Variants in LILRA2 observed in about 807,000 individuals in gnomAD.
LILRA2 encodes the protein leukocyte immunoglobulin like receptor A2.
In LILRA2, 45 loss-of-function variants were observed where a neutral mutation model predicts 47.9. The ratio of observed to expected loss-of-function variants is 0.94; its 90% CI spans 0.74 to 1.20. LILRA2 has a LOEUF of 1.20. Ranked by LOEUF, LILRA2 falls within the 50% of genes most tolerant of loss-of-function variation. LILRA2 has a pLI of 0.00. For missense variants in LILRA2, 651 were observed against 598.2 expected (o/e 1.09, Z -0.92); for synonymous variants, 279 against 249.2 (o/e 1.12, Z -1.13).
intron 6 of LILRA2, among the ~76,000 whole-genome samples, chr19:54,586,344 G>A (rs899365110): frequency 6.6e-6 from 1 of 152,140 alleles, no homozygotes; most frequent in Non-Finnish European, 1.5e-5. Flanking sequence ...ATGAACCTCG[G>A]ATAGCACCAG....
intron 6 of LILRA2, 86 bp from the exon 7 acceptor site, chr19:54,586,924 T>C: frequency 3.1e-6 from 3 of 973,464 alleles, no homozygotes; most frequent in Non-Finnish European, 4.6e-6. Flanking sequence ...ATAAAACTCA[T>C]GTCAAGAGAC....
intron 5 of LILRA2, 93 bp downstream of exon 5, chr19:54,575,645 G>T (rs1283847355): frequency 3.8e-6 from 6 of 1,575,570 alleles, no homozygotes. Flanking sequence ...GAGGGTTGGG[G>T]GTCCCAAGGG....
intron 5 of LILRA2, 47 bp from the exon 6 acceptor site, chr19:54,575,760 C>G: frequency 6.2e-7 from 1 of 1,609,188 alleles, no homozygotes. Flanking sequence ...GAGGTCTCAG[C>G]TCAGAACAAG....
At chr19:54,577,644 G>A (rs1316861688) in intron 6 of LILRA2, 3 of 1,289,654 alleles carry the variant, frequency 2.3e-6, no homozygotes, top group Non-Finnish European at 1.0e-6. Flanking sequence ...TGCCCCTCCT[G>A]TGCTCACCTG....
intron 2 of LILRA2, 46 bp from the exon 3 acceptor site, chr19:54,574,255 G>C: frequency 6.2e-7 from 1 of 1,613,818 alleles, no homozygotes; most frequent in Non-Finnish European, 8.5e-7. Flanking sequence ...GCTGAGATCT[G>C]TTGGGTGGGA....
At chr19:54,586,687 G>C (rs1373321049) in intron 6 of LILRA2, among the ~76,000 whole-genome samples, 2 of 152,188 alleles carry the variant, frequency 1.3e-5, no homozygotes, top group Non-Finnish European at 2.9e-5. Context: ...AGGACACAGA[G>C]AGCACACAAG....
intron 6 of LILRA2, among the ~76,000 whole-genome samples, chr19:54,579,458 A>G (rs1195822163): frequency 6.6e-6 from 1 of 151,996 alleles, no homozygotes; most frequent in Non-Finnish European, 1.5e-5. Context: ...GTTCTGTTCC[A>G]TTGGTCTATG....
chr19:54,580,306 G>A (rs1275951692), intron 6 of LILRA2, among the ~76,000 whole-genome samples: 1 of 107,890 alleles, frequency 9.3e-6, no homozygotes, highest in East Asian at 2.6e-4. Context: ...ACCCACTAAT[G>A]TGTCATCTAG....
In LILRA2 at chr19:54,587,207, T is replaced by G; in HGVS notation, c.1313T>G (p.Leu438Arg). The change falls in exon 8 of 8, where the codon CTA (leucine) becomes CGA (arginine). Residue 438 changes from leucine (L) to arginine (R), a missense_variant. Coordinates refer to ENST00000391738, the MANE Select transcript of LILRA2 (RefSeq NM_001130917.3). ...QNKTDSTTTS[L>R]GQHPQDYTVE... Reference sequence around the variant, plus strand: ...CTGTGACCTCTTTGTCCAGCATCCCTAGGCCAACACCCCCAGGATTACACA... The same window carrying G: ...CTGTGACCTCTTTGTCCAGCATCCCGAGGCCAACACCCCCAGGATTACACA... The G allele has an allele frequency of 6.2e-7, 1 of 1,614,066 alleles. No homozygotes were observed. Among genetic ancestry groups the G allele is most frequent in the Non-Finnish European group, 8.5e-7 (1 of 1,179,990 alleles).
intron 4 of LILRA2, 33 bp from the exon 5 acceptor site, chr19:54,575,223 C>T (rs373681746): frequency 1.2e-5 from 19 of 1,579,594 alleles, no homozygotes; most frequent in East Asian, 4.5e-5. Context: ...GCCTGAGGGT[C>T]GGCTCCTGGA....
Position 54,589,208 on chromosome 19 carries a change from T to C in LILRA2, c.*1862T>C, listed in dbSNP as rs1012917968. The C allele has an allele frequency of 2.3e-5, 3 of 131,550 alleles. No homozygotes were observed. The highest frequency in any genetic ancestry group is 1.5e-4 in the Admixed American group (2 of 13,442). The allele number at this position is 131,550 out of a possible 1,614,324, so 8.1% of individuals were successfully genotyped here. On this transcript the variant is annotated 3_prime_UTR_variant, in exon 8 of 8. Coordinates refer to ENST00000391738, the MANE Select transcript of LILRA2 (RefSeq NM_001130917.3). ...TCCCTTGATCATAACTTAAATGCAT[T>C]TGCAAAGACTCTATTTCCAACTATG...
rs750275726 is a variant in LILRA2, at chr19:54,587,570, C to T, written c.*224C>T. 4,928 of 772,440 alleles carry T rather than the reference C, an allele frequency of 6.4e-3. No individual in the cohort carries two copies. The South Asian group carries it at 0.069, about 11-fold the overall frequency. The allele number at this position is 772,440 out of a possible 1,614,324, so 47.8% of individuals were successfully genotyped here. A position where few individuals can be genotyped will look rare whatever the true frequency, so the allele number is the denominator to read the frequency against. On this transcript the variant is annotated 3_prime_UTR_variant, in exon 8 of 8. Coordinates refer to ENST00000391738, the MANE Select transcript of LILRA2 (RefSeq NM_001130917.3). ...TTTTTTTGTCTATGAATGTTGACTT[C>T]CCTTGACTGGATCCCCTTTTTTTCC...
rs1380222240 is a variant in LILRA2, at chr19:54,575,356, A to G, written c.756A>G (p.Arg252=). Residue 252 remains arginine, a synonymous_variant, in exon 5 of 8, where the codon AGA becomes AGG. Transcript: ENST00000391738. Reference sequence around the variant, plus strand: ...GTGTCTCTGATGTCGGCTACGACAGATTTGTTCTGTATAAGGAGGGAGAAC... The same window carrying G: ...GTGTCTCTGATGTCGGCTACGACAGGTTTGTTCTGTATAAGGAGGGAGAAC... ...LQCVSDVGYD[R]FVLYKEGERD... is the part of the protein sequence containing the mutation. 6.2e-7 allele frequency: 1 copy of G among 1,614,076 alleles called. No individual in the cohort carries two copies. Among genetic ancestry groups the G allele is most frequent in the South Asian group, 1.1e-5 (1 of 91,084 alleles).
chr19:54,587,510 G>C lies in LILRA2; in HGVS notation c.*164G>C, dbSNP rs2146032409. The C allele has an allele frequency of 8.6e-7, 1 of 1,166,848 alleles. No individual in the cohort carries two copies. The highest frequency in any genetic ancestry group is 1.2e-6 in the Non-Finnish European group (1 of 848,826). The allele number at this position is 1,166,848 out of a possible 1,614,324, so 72.3% of individuals were successfully genotyped here. On this transcript the variant is annotated 3_prime_UTR_variant, in exon 8 of 8. Transcript: ENST00000391738. ...TATTTGAGTGTAAGGAAACTGTCTG[G>C]GGTGATTCCTAGAAGATCATTAAAC...
At chr19:54,575,639 G>T in intron 5 of LILRA2, 87 bp downstream of exon 5, 1 of 1,573,872 alleles carries the variant, frequency 6.4e-7, no homozygotes, top group Non-Finnish European at 8.6e-7. Context: ...CGGAATGAGG[G>T]TTGGGGGTCC....
chr19:54,582,942 C>A (rs1203115914), intron 6 of LILRA2, among the ~76,000 whole-genome samples: 1 of 152,226 alleles, frequency 6.6e-6, no homozygotes, highest in African/African-American at 2.4e-5. Flanking sequence ...CTACACACTG[C>A]TTTAAATGTG....
At chr19:54,578,787 G>T (rs2062554634) in intron 6 of LILRA2, among the ~76,000 whole-genome samples, 1 of 152,132 alleles carries the variant, frequency 6.6e-6, no homozygotes, top group African/African-American at 2.4e-5. Context: ...AGCATCTGTA[G>T]TTTCCTGACT....
intron 4 of LILRA2, 90 bp downstream of exon 4, chr19:54,575,123 G>A (rs2062354253): frequency 2.6e-6 from 4 of 1,564,188 alleles, no homozygotes; most frequent in Non-Finnish European, 3.5e-6. Context: ...GGCAGCTCCA[G>A]GTGGGATGAT....
In LILRA2 at chr19:54,588,002, C is replaced by T. The variant is rs2062861645; in HGVS notation, c.*656C>T. 1 of 152,414 alleles carries T rather than the reference C, an allele frequency of 6.6e-6. No individual in the cohort carries two copies. The highest frequency in any genetic ancestry group is 1.5e-5 in the Non-Finnish European group (1 of 68,216). The allele number at this position is 152,414 out of a possible 1,614,324, so 9.4% of individuals were successfully genotyped here. On this transcript the variant is annotated 3_prime_UTR_variant, in exon 8 of 8. Transcript: ENST00000391738. ...TCTAAAATACTGTAATTAGTGGTAT[C>T]TACCAATTTCTGTGACATAAATATT...
Sources: allele counts gnomAD v4.1 joint callset (sites outside exome capture counted in the v4.1 genomes callset), GRCh38; gene constraint gnomAD v4.1.1; transcripts MANE v1.5; gene names NCBI Gene and HGNC (gene_info 2026-07-23, HGNC 2026-07-21).